Variants in MLANA observed in about 807,000 individuals in gnomAD.
The protein encoded by MLANA is melan-A.
Under a neutral mutation model 15.7 loss-of-function variants are expected in MLANA, and 21 were observed. That is an observed-to-expected ratio of 1.33 (90% CI 0.95 to 1.92). The LOEUF is 1.92. Among genes scored for constraint, MLANA ranks in the 40% most tolerant of loss-of-function variants. The pLI, the probability that MLANA is intolerant of heterozygous loss-of-function variation, is 0.00. For missense variants in MLANA, 164 were observed against 143.8 expected (o/e 1.14, Z -0.72); for synonymous variants, 56 against 51.5 (o/e 1.09, Z -0.37).
At chr9:5,907,536 T>C (rs576722920) in intron 4 of MLANA, among the ~76,000 whole-genome samples, 1 of 152,330 alleles carries the variant, frequency 6.6e-6, no homozygotes, top group East Asian at 1.9e-4. Flanking sequence ...AGATAAATGG[T>C]TCATTAATGA....
intron 4 of MLANA, among the ~76,000 whole-genome samples, chr9:5,907,690 C>T (rs917921279): frequency 1.3e-5 from 2 of 152,240 alleles, no homozygotes; most frequent in Non-Finnish European, 2.9e-5. Flanking sequence ...TGGTGGCTCA[C>T]ACCTGTAATC....
chr9:5,898,606 G>A (rs1212745964), intron 3 of MLANA, among the ~76,000 whole-genome samples: 1 of 152,092 alleles, frequency 6.6e-6, no homozygotes, highest in Non-Finnish European at 1.5e-5. Context: ...AAGCACTGAC[G>A]GTTTATAGGG....
intron 4 of MLANA, among the ~76,000 whole-genome samples, chr9:5,908,275 C>T (rs1192821573): frequency 6.6e-6 from 1 of 152,098 alleles, no homozygotes; most frequent in Non-Finnish European, 1.5e-5. Context: ...TATCAATGTG[C>T]CTTTAGACAC....
rs1466736229 is a variant in MLANA, at chr9:5,894,060, A to T, written c.77+1509A>T. ...TTTGCCTCCAGAGTCCATGCTCTTA[A>T]GTGTTATGCTGCAGGCCAGCAGAGG... On this transcript the variant is annotated intron_variant, in intron 2 of 4. Transcript: ENST00000381477. This position sits in a 1 kb window ranked among gnomAD's most constrained non-coding sequence, Gnocchi z 4.0. Among the ~76,000 whole-genome samples, 2 of 152,132 alleles carry T rather than the reference A, an allele frequency of 1.3e-5. No homozygotes were observed. Among genetic ancestry groups the T allele is most frequent in the Non-Finnish European group, 2.9e-5 (2 of 68,028 alleles).
In MLANA at chr9:5,908,941, A is replaced by G; in HGVS notation, c.*233A>G. ...CCATCAATAAATGTTGCAATGCATG[A>G]TACTATCTGTGCCAGAGGTAATGTT... On this transcript the variant is annotated 3_prime_UTR_variant, in exon 5 of 5. Coordinates refer to ENST00000381477, the MANE Select transcript of MLANA (RefSeq NM_005511.2). 2.0e-6 allele frequency: 1 copy of G among 502,958 alleles called. No homozygotes were observed. The highest frequency in any genetic ancestry group is 2.8e-5 in the South Asian group (1 of 35,712). The allele number at this position is 502,958 out of a possible 1,614,324, so 31.2% of individuals were successfully genotyped here.
At chr9:5,897,705 C>T in intron 3 of MLANA, 52 bp downstream of exon 3, 1 of 1,437,018 alleles carries the variant, frequency 7.0e-7, no homozygotes, top group Non-Finnish European at 9.8e-7. Context: ...GCCCTCTTTC[C>T]AGTTCTTTCC....
intron 3 of MLANA, among the ~76,000 whole-genome samples, chr9:5,901,277 A>G (rs1169594162): frequency 1.6e-4 from 25 of 152,170 alleles, no homozygotes. Context: ...GAGTGGTGAG[A>G]CAGGACATCC....
chr9:5,901,090 T>C (rs1007445431), intron 3 of MLANA, among the ~76,000 whole-genome samples: 1 of 151,914 alleles, frequency 6.6e-6, no homozygotes, highest in African/African-American at 2.4e-5. Context: ...AGTGAACCGG[T>C]AGAGTGGATC....
At chr9:5,898,753 C>G (rs1832211123) in intron 3 of MLANA, among the ~76,000 whole-genome samples, 3 of 152,110 alleles carry the variant, frequency 2.0e-5, no homozygotes, top group African/African-American at 7.2e-5. Context: ...TCTTCTTCAC[C>G]CCTTTCCTCA....
In MLANA at chr9:5,894,191, A is replaced by G. The variant is rs1586918891; in HGVS notation, c.77+1640A>G. ...AGTCAGCTCAGTAGGCCGAAAGTGG[A>G]GTTGTCCTTTGCCATGTAGGGCCAT... On this transcript the variant is annotated intron_variant, in intron 2 of 4. Coordinates refer to ENST00000381477, the MANE Select transcript of MLANA (RefSeq NM_005511.2). The surrounding 1 kb of genome is among the most constrained non-coding windows in gnomAD (Gnocchi z 4.0). Among the ~76,000 whole-genome samples the G allele has an allele frequency of 6.6e-6, 1 of 152,114 alleles. No individual in the cohort carries two copies. The highest frequency in any genetic ancestry group is 2.1e-4 in the South Asian group (1 of 4,822).
chr9:5,900,528 G>C (rs1274959127), intron 3 of MLANA, among the ~76,000 whole-genome samples: 1 of 152,096 alleles, frequency 6.6e-6, no homozygotes, highest in Non-Finnish European at 1.5e-5. Context: ...TCTGTCTTCA[G>C]TGATTCTATT....
intron 4 of MLANA, 128 bp from the exon 5 acceptor site, chr9:5,908,512 A>G: frequency 1.2e-6 from 1 of 807,656 alleles, no homozygotes; most frequent in South Asian, 1.7e-5. Flanking sequence ...GGCAGAAATT[A>G]TATGGGAACA....
At chr9:5,908,496 T>G in intron 4 of MLANA, 144 bp from the exon 5 acceptor site, 1 of 724,900 alleles carries the variant, frequency 1.4e-6, no homozygotes, top group South Asian at 1.9e-5. Context: ...AACAATTACT[T>G]CACTGGGCAG....
At chr9:5,895,295 C>T (rs1302753086) in intron 2 of MLANA, among the ~76,000 whole-genome samples, 1 of 151,882 alleles carries the variant, frequency 6.6e-6, no homozygotes, top group Non-Finnish European at 1.5e-5. Flanking sequence ...CCACCAATGT[C>T]AAAAGTCATT....
chr9:5,904,390 T>G (rs1225455654), intron 3 of MLANA, among the ~76,000 whole-genome samples: 1 of 152,202 alleles, frequency 6.6e-6, no homozygotes, highest in Non-Finnish European at 1.5e-5. Context: ...TATTTTTGTC[T>G]TTACTCTTTT....
At chr9:5,895,641 A>G (rs1206731528) in intron 2 of MLANA, among the ~76,000 whole-genome samples, 1 of 152,236 alleles carries the variant, frequency 6.6e-6, no homozygotes, top group Non-Finnish European at 1.5e-5. Context: ...CAAGTCATCC[A>G]TGGAACTTGT....
At chr9:5,897,750 T>A in intron 3 of MLANA, 97 bp downstream of exon 3, 1 of 1,069,812 alleles carries the variant, frequency 9.3e-7, no homozygotes, top group Non-Finnish European at 1.5e-6. Context: ...ATTGCCTCAT[T>A]ATAACCTTCA....
rs143095064 is a variant in MLANA, at chr9:5,901,267, G to T, written c.174+3614G>T. ...CAACTTCCAGTATGATGCTGAAAAGGAGTGGTGAGACAGGACATCCTTGCC... is the reference window on the plus strand; with the variant it reads ...CAACTTCCAGTATGATGCTGAAAAGTAGTGGTGAGACAGGACATCCTTGCC... On this transcript the variant is annotated intron_variant, in intron 3 of 4. Coordinates refer to ENST00000381477, the MANE Select transcript of MLANA (RefSeq NM_005511.2). 9.9e-5 allele frequency among the ~76,000 whole-genome samples: 15 copies of T among 152,224 alleles called. No individual in the cohort carries two copies. In the East Asian group the frequency reaches 2.7e-3, roughly 27 times the overall value.
chr9:5,895,479 A>G (rs1413712019), intron 2 of MLANA, among the ~76,000 whole-genome samples: 1 of 152,078 alleles, frequency 6.6e-6, no homozygotes, highest in Non-Finnish European at 1.5e-5. Context: ...GAGAATATTT[A>G]TCCTTCTCAC....
Sources: allele counts gnomAD v4.1 joint callset (sites outside exome capture counted in the v4.1 genomes callset), GRCh38; gene constraint gnomAD v4.1.1; non-coding constraint Gnocchi (gnomAD v3.1); transcripts MANE v1.5; gene names NCBI Gene and HGNC (gene_info 2026-07-23, HGNC 2026-07-21).